Variants in SCFD2 observed in about 807,000 individuals in gnomAD.
SCFD2 encodes the protein sec1 family domain-containing protein 2.
A neutral mutation model predicts 58.9 loss-of-function variants in SCFD2; 54 were observed. The ratio of observed to expected loss-of-function variants is 0.92; its 90% CI spans 0.74 to 1.15. The LOEUF is 1.15. Ranked by LOEUF, SCFD2 falls within the 50% of genes most tolerant of loss-of-function variation. SCFD2 has a pLI of 0.00. For missense variants in SCFD2, 805 were observed against 836.6 expected (o/e 0.96, Z 0.47); for synonymous variants, 321 against 335.9 (o/e 0.96, Z 0.49).
chr4:53,212,602 G>GTT (rs887884966), intron 4 of SCFD2, among the ~76,000 whole-genome samples: 5 of 150,390 alleles, frequency 3.3e-5, no homozygotes, highest in African/African-American at 9.9e-5. Flanking sequence ...GTGTGTGTGT[G>GTT]TGTGTGCATG....
chr4:52,889,772 C>T (rs901020251), intron 7 of SCFD2, among the ~76,000 whole-genome samples: 1 of 152,238 alleles, frequency 6.6e-6, no homozygotes, highest in Non-Finnish European at 1.5e-5. Context: ...GAGACCCTCT[C>T]ATAACCTACT....
intron 1 of SCFD2, among the ~76,000 whole-genome samples, chr4:53,361,800 G>C (rs1734555783): frequency 6.6e-6 from 1 of 152,146 alleles, no homozygotes; most frequent in Admixed American, 6.5e-5. Flanking sequence ...TATTCAGTGT[G>C]CATCGTTTTT....
intron 5 of SCFD2, among the ~76,000 whole-genome samples, chr4:53,043,611 C>T (rs1008557162): frequency 6.6e-6 from 1 of 152,058 alleles, no homozygotes; most frequent in African/African-American, 2.4e-5. Context: ...TGCTAAAAAT[C>T]CTATCTTGTT....
intron 4 of SCFD2, among the ~76,000 whole-genome samples, chr4:53,231,399 G>C (rs1460081488): frequency 6.6e-6 from 1 of 152,114 alleles, no homozygotes; most frequent in Non-Finnish European, 1.5e-5. Context: ...AATATTGATT[G>C]AATGAATGGA....
chr4:52,895,794 C>T (rs1718992481), intron 7 of SCFD2, among the ~76,000 whole-genome samples: 1 of 152,078 alleles, frequency 6.6e-6, no homozygotes, highest in Non-Finnish European at 1.5e-5. Flanking sequence ...TAAAAGTGTT[C>T]CTATTTCTCC....
intron 2 of SCFD2, among the ~76,000 whole-genome samples, chr4:53,352,226 T>C (rs994038885): frequency 1.3e-5 from 2 of 152,216 alleles, no homozygotes; most frequent in Non-Finnish European, 2.9e-5. Context: ...TTCATTGCTG[T>C]TTGAGTTGCT....
At chr4:52,994,042 G>A (rs944860954) in intron 5 of SCFD2, among the ~76,000 whole-genome samples, 3 of 152,254 alleles carry the variant, frequency 2.0e-5, no homozygotes, top group Non-Finnish European at 4.4e-5. Flanking sequence ...AGCTGCTCCT[G>A]TTCAGGGGTA....
intron 4 of SCFD2, among the ~76,000 whole-genome samples, chr4:53,202,508 G>A (rs1477187654): frequency 6.6e-6 from 1 of 151,406 alleles, no homozygotes; most frequent in African/African-American, 2.4e-5. Context: ...TGGCAATGCA[G>A]GCTCTTTTTT....
At chr4:53,052,288 C>T (rs1723208382) in intron 5 of SCFD2, among the ~76,000 whole-genome samples, 1 of 152,168 alleles carries the variant, frequency 6.6e-6, no homozygotes, top group South Asian at 2.1e-4. Context: ...GCACATGCTG[C>T]TCTCCCTACC....
At chr4:53,329,285 G>T (rs1312219994) in intron 2 of SCFD2, among the ~76,000 whole-genome samples, 1 of 152,158 alleles carries the variant, frequency 6.6e-6, no homozygotes, top group Non-Finnish European at 1.5e-5. Flanking sequence ...CTTCACCTCT[G>T]GGGGCAGGGC....
chr4:53,352,902 C>T, intron 1 of SCFD2, 136 bp from the exon 2 acceptor site: 2 of 713,920 alleles, frequency 2.8e-6, no homozygotes, highest in South Asian at 3.6e-5. Context: ...ACATTTTGCC[C>T]TTCATACAGC....
At chr4:52,882,859 C>T (rs554855403) in intron 8 of SCFD2, among the ~76,000 whole-genome samples, 1 of 152,206 alleles carries the variant, frequency 6.6e-6, no homozygotes, top group Non-Finnish European at 1.5e-5. Flanking sequence ...CTGACTAATA[C>T]ACCCTCCAAG....
intron 5 of SCFD2, among the ~76,000 whole-genome samples, chr4:53,029,139 T>A (rs1440294014): frequency 2.0e-5 from 3 of 152,178 alleles, no homozygotes; most frequent in African/African-American, 7.2e-5. Context: ...GTGTGGTATG[T>A]GTGTGTATTT....
chr4:53,065,665 C>T (rs536011285), intron 5 of SCFD2, among the ~76,000 whole-genome samples: 3 of 152,074 alleles, frequency 2.0e-5, no homozygotes, highest in Non-Finnish European at 2.9e-5. Flanking sequence ...AAAGTTTTAT[C>T]TTATAAAAAA....
chr4:53,230,841 T>C (rs1729415153), intron 4 of SCFD2, among the ~76,000 whole-genome samples: 1 of 152,038 alleles, frequency 6.6e-6, no homozygotes, highest in African/African-American at 2.4e-5. Context: ...ATACCTCAGA[T>C]CTCTGAGGTA....
intron 5 of SCFD2, among the ~76,000 whole-genome samples, chr4:52,992,201 A>AT (rs1318820501): frequency 2.0e-5 from 3 of 151,842 alleles, no homozygotes; most frequent in African/African-American, 7.3e-5. Context: ...TGGTTTTCCT[A>AT]TTTTTTTGGT....
At chr4:53,324,058 A>G (rs1733105481) in intron 2 of SCFD2, among the ~76,000 whole-genome samples, 1 of 152,154 alleles carries the variant, frequency 6.6e-6, no homozygotes, top group African/African-American at 2.4e-5. Flanking sequence ...CAACTTGCAC[A>G]AGGTTGAAAC....
chr4:52,962,677 G>C (rs1303885183), intron 5 of SCFD2, among the ~76,000 whole-genome samples: 2 of 151,722 alleles, frequency 1.3e-5, no homozygotes, highest in Non-Finnish European at 2.9e-5. Flanking sequence ...GTTTAGAGGG[G>C]GGCAGCATTA....
At chr4:53,345,842 CA>C (rs752347254) in intron 2 of SCFD2, among the ~76,000 whole-genome samples, 1 of 151,252 alleles carries the variant, frequency 6.6e-6, no homozygotes, top group Non-Finnish European at 1.5e-5. Flanking sequence ...CAAACTATCA[CA>C]AGGGCAGAAA....
Sources: allele counts gnomAD v4.1 joint callset (sites outside exome capture counted in the v4.1 genomes callset), GRCh38; gene constraint gnomAD v4.1.1; transcripts MANE v1.5; gene names NCBI Gene and HGNC (gene_info 2026-07-23, HGNC 2026-07-21).